VPS13B: variants seen among roughly 807,000 people sequenced by gnomAD.
The protein encoded by VPS13B is intermembrane lipid transfer protein VPS13B.
In VPS13B, 285 loss-of-function variants were observed where a neutral mutation model predicts 426.4. The ratio of observed to expected loss-of-function variants is 0.67; its 90% CI spans 0.61 to 0.74. VPS13B has a LOEUF of 0.74. Ranked by LOEUF, VPS13B falls within the 30% of genes least tolerant of loss-of-function variation. The pLI is 0.00. For synonymous variants in VPS13B, 1,676 were observed against 1,676.4 expected (o/e 1.00, Z 0.01); for missense variants, 4,537 against 4,782.6 (o/e 0.95, Z 1.51).
At chr8:99,534,469 C>T (rs556168166) in intron 30 of VPS13B, among the ~76,000 whole-genome samples, 45 of 152,050 alleles carry the variant, frequency 3.0e-4, no homozygotes, top group Non-Finnish European at 5.0e-4. Context: ...TTTTGTGTTA[C>T]GAATTTGGAA....
chr8:99,656,300 C>T (rs895891272), intron 34 of VPS13B, among the ~76,000 whole-genome samples: 7 of 152,180 alleles, frequency 4.6e-5, no homozygotes, highest in Admixed American at 4.6e-4. Context: ...TGTTACTCCT[C>T]ATAAGATAAG....
intron 3 of VPS13B, among the ~76,000 whole-genome samples, chr8:99,087,738 A>G (rs1432041500): frequency 2.0e-5 from 3 of 151,914 alleles, no homozygotes; most frequent in Non-Finnish European, 4.4e-5. Context: ...ATATGCTACA[A>G]AGCCCTGTTT....
At chr8:99,099,734 G>A (rs1157798320) in intron 4 of VPS13B, among the ~76,000 whole-genome samples, 1 of 152,106 alleles carries the variant, frequency 6.6e-6, no homozygotes, top group Non-Finnish European at 1.5e-5. Context: ...AGTGCGAATG[G>A]ACAAAAAGTA....
At chr8:99,596,722 C>T (rs1289433036) in intron 33 of VPS13B, among the ~76,000 whole-genome samples, 1 of 152,048 alleles carries the variant, frequency 6.6e-6, no homozygotes, top group Admixed American at 6.6e-5. Context: ...TCACACCCAG[C>T]TCCAAGTGAG....
chr8:99,127,754 A>C (rs921460888), intron 8 of VPS13B, among the ~76,000 whole-genome samples: 4 of 152,256 alleles, frequency 2.6e-5, no homozygotes, highest in Admixed American at 2.6e-4. Flanking sequence ...AAATCTTAAG[A>C]ATATGTATAT....
intron 42 of VPS13B, 114 bp from the exon 43 acceptor site, chr8:99,784,201 G>A (rs1812149468): frequency 7.5e-7 from 1 of 1,338,282 alleles, no homozygotes; most frequent in Admixed American, 1.7e-5. Context: ...CAGAGCTAAT[G>A]ACAACAGATC....
chr8:99,849,015 T>A, intron 55 of VPS13B, 121 bp downstream of exon 55: 2 of 955,784 alleles, frequency 2.1e-6, no homozygotes, highest in Non-Finnish European at 3.3e-6. Flanking sequence ...AATTATCATG[T>A]AATCCATAAA....
chr8:99,822,764 T>C (rs895676212), intron 50 of VPS13B, among the ~76,000 whole-genome samples: 4 of 152,198 alleles, frequency 2.6e-5, no homozygotes, highest in Admixed American at 2.6e-4. Context: ...CTGTGGGTTA[T>C]ATCAGTATTT....
At chr8:99,312,338 T>G (rs1401866819) in intron 19 of VPS13B, among the ~76,000 whole-genome samples, 2 of 152,340 alleles carry the variant, frequency 1.3e-5, no homozygotes, top group East Asian at 3.9e-4. Flanking sequence ...ATTGCTTCCT[T>G]CAGGAGCTCT....
chr8:99,473,324 A>C (rs1391020949), intron 24 of VPS13B, among the ~76,000 whole-genome samples: 1 of 152,116 alleles, frequency 6.6e-6, no homozygotes, highest in Admixed American at 6.5e-5. Flanking sequence ...GTAATGGCCA[A>C]CTAGGAATTA....
chr8:99,641,876 C>T lies in VPS13B; in HGVS notation c.5286C>T (p.Arg1762=). 1 of 1,614,056 alleles carries T rather than the reference C, an allele frequency of 6.2e-7. No individual in the cohort carries two copies. Among genetic ancestry groups the T allele is most frequent in the Non-Finnish European group, 8.5e-7 (1 of 1,179,998 alleles). The change falls in exon 34 of 62, where the codon CGC becomes CGT. Residue 1762 remains arginine, a synonymous_variant. Coordinates refer to ENST00000357162, the MANE Select transcript of VPS13B (RefSeq NM_152564.5). The part of the protein sequence containing the change: ...FDGGMAETSS[R]YSGAQDSGIG... ...GAGGCATGGCTGAAACCTCATCTCG[C>T]TACAGTGGTGCTCAGGATAGTGGAA...
chr8:99,567,127 A>G (rs1317368976), intron 31 of VPS13B, among the ~76,000 whole-genome samples: 1 of 152,200 alleles, frequency 6.6e-6, no homozygotes, highest in African/African-American at 2.4e-5. Flanking sequence ...GTATATTCCT[A>G]TCTAAATCCT....
chr8:99,122,040 T>C (rs547637584), intron 8 of VPS13B, among the ~76,000 whole-genome samples: 160 of 151,224 alleles, frequency 1.1e-3, no homozygotes, highest in African/African-American at 3.9e-3. Flanking sequence ...TTTTAATATT[T>C]TGTAGAGTTG....
At chr8:99,251,973 TA>T (rs1367875232) in intron 17 of VPS13B, among the ~76,000 whole-genome samples, 1 of 151,680 alleles carries the variant, frequency 6.6e-6, no homozygotes, top group Non-Finnish European at 1.5e-5. Flanking sequence ...TCTTTCTTAT[TA>T]GAGTTTTTTC....
intron 8 of VPS13B, among the ~76,000 whole-genome samples, chr8:99,131,336 A>T (rs1489837876): frequency 6.6e-6 from 1 of 152,242 alleles, no homozygotes. Flanking sequence ...TCAAACCAGG[A>T]TACCATGTTG....
At chr8:99,646,234 G>A (rs1335627767) in intron 34 of VPS13B, among the ~76,000 whole-genome samples, 1 of 152,116 alleles carries the variant, frequency 6.6e-6, no homozygotes, top group Non-Finnish European at 1.5e-5. Context: ...ATTCTTTTTG[G>A]GTGGGCACAG....
chr8:99,565,389 A>G (rs1314157973), intron 31 of VPS13B, among the ~76,000 whole-genome samples: 2 of 151,708 alleles, frequency 1.3e-5, no homozygotes, highest in African/African-American at 4.8e-5. Context: ...CACATAAAGA[A>G]TTTTAAAAAT....
At chr8:99,867,991 G>C in intron 58 of VPS13B, 1 of 379,686 alleles carries the variant, frequency 2.6e-6, no homozygotes, top group Non-Finnish European at 5.0e-6. Context: ...GACTTCTGAG[G>C]AAAGATGTAT....
Position 99,414,726 on chromosome 8 carries a change from G to T in VPS13B, c.3083-16811G>T, listed in dbSNP as rs529385920. On this transcript the variant is annotated intron_variant, in intron 21 of 61. Coordinates refer to ENST00000357162, the MANE Select transcript of VPS13B (RefSeq NM_152564.5). ...TTTTGGGTTGAAAATTCTTTTCTTT[G>T]AGAATGTCGAATATTGGCCCCCATT... is the stretch of plus-strand genomic sequence containing the variant. Among the ~76,000 whole-genome samples, 5 of 152,210 alleles carry T rather than the reference G, an allele frequency of 3.3e-5. No homozygotes were observed. In the East Asian group the frequency reaches 9.7e-4, roughly 29 times the overall value.
Sources: gnomAD v4.1 joint callset for allele counts (sites outside exome capture counted in the v4.1 genomes callset) on GRCh38, gnomAD v4.1.1 for gene constraint, MANE v1.5 for transcripts, NCBI Gene and HGNC (gene_info 2026-07-23, HGNC 2026-07-21) for gene names.